The following NTRK3 variants were observed in gnomAD, a reference collection of about 807,000 sequenced individuals.
NTRK3 encodes neurotrophic receptor tyrosine kinase 3.
NTRK3 carries 24 observed loss-of-function variants against 91.7 expected under a neutral mutation model. The ratio of observed to expected loss-of-function variants is 0.26; its 90% confidence interval spans 0.19 to 0.37. The LOEUF is 0.37. Among genes scored for constraint, NTRK3 ranks in the 10% least tolerant of loss-of-function variants. NTRK3 has a pLI of 1.00. For missense variants in NTRK3, 880 were observed against 1,068.9 expected (o/e 0.82, Z 2.46); for synonymous variants, 483 against 404.0 (o/e 1.20, Z -2.34).
intron 13 of NTRK3, among the ~76,000 whole-genome samples, chr15:88,090,278 A>G (rs1185250545): frequency 2.6e-5 from 4 of 152,194 alleles, no homozygotes; most frequent in Non-Finnish European, 5.9e-5. Context: ...GGTCCCCACC[A>G]GAATGTAAGC....
intron 5 of NTRK3, among the ~76,000 whole-genome samples, chr15:88,175,675 A>C (rs2045930841): frequency 1.3e-5 from 2 of 152,296 alleles, no homozygotes; most frequent in Admixed American, 1.3e-4. Flanking sequence ...CCACTAACAT[A>C]TATTGGGTCA....
chr15:88,175,406 A>G (rs2045907686), intron 5 of NTRK3, among the ~76,000 whole-genome samples: 2 of 152,264 alleles, frequency 1.3e-5, no homozygotes. Context: ...AGAGACATAA[A>G]GAGATAGAGC....
chr15:88,147,762 G>A (rs1011067802), intron 5 of NTRK3, among the ~76,000 whole-genome samples: 1 of 152,088 alleles, frequency 6.6e-6, no homozygotes, highest in African/African-American at 2.4e-5. Flanking sequence ...GGAGTTCTCA[G>A]AGTAGATAAG....
intron 13 of NTRK3, among the ~76,000 whole-genome samples, chr15:88,097,157 A>G (rs1338988247): frequency 3.3e-5 from 5 of 152,260 alleles, no homozygotes; most frequent in African/African-American, 1.2e-4. Context: ...ATATAGTATT[A>G]CAATCAATTT....
intron 13 of NTRK3, among the ~76,000 whole-genome samples, chr15:88,037,276 A>T (rs2079156126): frequency 6.6e-6 from 1 of 152,198 alleles, no homozygotes; most frequent in Admixed American, 6.5e-5. Flanking sequence ...AATTCAAAGG[A>T]GGAGGCCAGG....
chr15:87,863,423 A>T (rs903318406), exon 19 of NTRK3: 2 of 224,884 alleles, frequency 8.9e-6, no homozygotes, highest in African/African-American at 4.5e-5. Context: ...CAGAATTTAC[A>T]CTCTGGGATG....
At chr15:88,023,491 T>C (rs2077759541) in intron 14 of NTRK3, among the ~76,000 whole-genome samples, 1 of 152,192 alleles carries the variant, frequency 6.6e-6, no homozygotes, top group South Asian at 2.1e-4. Flanking sequence ...GGCCTGGAGA[T>C]ACTGAACTGG....
At chr15:88,002,168 G>GTTTTT (rs770668339) in intron 14 of NTRK3, among the ~76,000 whole-genome samples, 3 of 70,182 alleles carry the variant, frequency 4.3e-5, no homozygotes, top group African/African-American at 1.2e-4. Flanking sequence ...GATAGTGGTT[G>GTTTTT]TTTTTTTTTT....
At chr15:88,137,520 C>A in exon 7 of NTRK3, 1 of 1,614,110 alleles carries the variant, frequency 6.2e-7, no homozygotes, top group Non-Finnish European at 8.5e-7. Context: ...CTGCATCCAG[C>A]GGATGTCACA....
chr15:87,965,716 A>T (rs2072730829), intron 14 of NTRK3, among the ~76,000 whole-genome samples: 1 of 152,254 alleles, frequency 6.6e-6, no homozygotes, highest in African/African-American at 2.4e-5. Flanking sequence ...CATTTTGATT[A>T]TGCCATTCTT....
chr15:87,956,252 C>T (rs1034660193), intron 14 of NTRK3, among the ~76,000 whole-genome samples: 6 of 152,168 alleles, frequency 3.9e-5, no homozygotes, highest in African/African-American at 1.2e-4. Context: ...ACTCCAGGTA[C>T]GTACAAAGTG....
exon 19 of NTRK3, chr15:87,865,762 T>C (rs2064654404): frequency 8.8e-6 from 2 of 226,704 alleles, no homozygotes; most frequent in Non-Finnish European, 1.8e-5. Context: ...ATGTCAGAGT[T>C]CCAAGCCTGA....
chr15:87,941,810 C>T (rs1567133361), intron 14 of NTRK3, among the ~76,000 whole-genome samples: 1 of 152,120 alleles, frequency 6.6e-6, no homozygotes, highest in Non-Finnish European at 1.5e-5. Flanking sequence ...AAGAATGCTA[C>T]GAAGGAGTTG....
intron 13 of NTRK3, among the ~76,000 whole-genome samples, chr15:88,094,469 C>T (rs1429268023): frequency 7.6e-6 from 1 of 130,992 alleles, no homozygotes; most frequent in Non-Finnish European, 1.6e-5. Flanking sequence ...GAGCGAGACT[C>T]CGTCTCAAAA....
intron 3 of NTRK3, among the ~76,000 whole-genome samples, chr15:88,226,030 G>A (rs1363541693): frequency 6.6e-6 from 1 of 152,238 alleles, no homozygotes; most frequent in Non-Finnish European, 1.5e-5. Flanking sequence ...TGGAAGTCGA[G>A]AGAACACTGG....
intron 17 of NTRK3, among the ~76,000 whole-genome samples, chr15:87,882,685 A>C (rs983420767): frequency 2.0e-5 from 3 of 152,120 alleles, no homozygotes; most frequent in Non-Finnish European, 4.4e-5. Flanking sequence ...GAAAGGAAAA[A>C]AGAAGCTTAC....
Position 87,953,833 on chromosome 15 carries a change from G to A in NTRK3, c.1586-13080C>T, listed in dbSNP as rs571138415. 3.3e-5 allele frequency among the ~76,000 whole-genome samples: 5 copies of A among 152,278 alleles called. No homozygotes were observed. In the South Asian group the frequency reaches 6.2e-4, roughly 19 times the overall value. ...ATATGGTGACATCTACACATTGTCTGCAGGCTGTGGCCTCCTTGGGAATAG... is the reference window on the plus strand; with the variant it reads ...ATATGGTGACATCTACACATTGTCTACAGGCTGTGGCCTCCTTGGGAATAG... On this transcript the variant is annotated intron_variant, in intron 14 of 18. Transcript: ENST00000394480.
rs550209211 is a variant in NTRK3, at chr15:88,146,099, T to G, written c.464+1236A>C. Among the ~76,000 whole-genome samples the G allele has an allele frequency of 7.9e-5, 12 of 152,330 alleles. No homozygotes were observed. In the South Asian group the frequency reaches 2.1e-3, roughly 26 times the overall value. On this transcript the variant is annotated intron_variant, in intron 6 of 18. Coordinates refer to ENST00000394480, the Ensembl canonical transcript of NTRK3. Reference sequence around the variant, plus strand: ...AAATTAAGTATACAACTTAAGAGATTGCTTGGCACAATGCCTGGCACAGAG... The same window carrying G: ...AAATTAAGTATACAACTTAAGAGATGGCTTGGCACAATGCCTGGCACAGAG...
chr15:88,171,926 G>A (rs982011520), intron 5 of NTRK3, among the ~76,000 whole-genome samples: 1 of 152,276 alleles, frequency 6.6e-6, no homozygotes, highest in Non-Finnish European at 1.5e-5. Context: ...ACATCATTGA[G>A]AGGGTCATAC....
Sources: allele counts gnomAD v4.1 joint callset (sites outside exome capture counted in the v4.1 genomes callset), GRCh38; gene constraint gnomAD v4.1.1; transcripts MANE v1.5; gene names NCBI Gene and HGNC (gene_info 2026-07-23, HGNC 2026-07-21).